The following MAST4 variants were observed in gnomAD, a reference collection of about 807,000 sequenced individuals.
MAST4 encodes the protein microtubule associated serine/threonine kinase family member 4.
In MAST4, 89 loss-of-function variants were observed where a neutral mutation model predicts 162.7. The ratio of observed to expected loss-of-function variants is 0.55; its 90% CI spans 0.46 to 0.65. The LOEUF (loss-of-function observed/expected upper bound fraction) is 0.65, where lower values mean the gene tolerates loss of function less well. MAST4 is among the 30% of genes least tolerant of loss of function. MAST4 has a pLI of 0.00. For missense variants in MAST4, 3,153 were observed against 3,374.0 expected (o/e 0.93, Z 1.62); for synonymous variants, 1,479 against 1,361.1 (o/e 1.09, Z -1.91).
At chr5:66,686,758 C>T (rs1748686050) in intron 1 of MAST4, among the ~76,000 whole-genome samples, 1 of 152,112 alleles carries the variant, frequency 6.6e-6, no homozygotes, top group South Asian at 2.1e-4. Flanking sequence ...GGAAGTTGCC[C>T]CACCCCACTA....
At chr5:66,883,780 T>C (rs1178920513) in intron 3 of MAST4, among the ~76,000 whole-genome samples, 1 of 152,240 alleles carries the variant, frequency 6.6e-6, no homozygotes, top group Non-Finnish European at 1.5e-5. Context: ...TTATCTTTCA[T>C]GTGAACTGCA....
At position 66,851,090 on chromosome 5, in the gene MAST4, T is replaced by A. The variant is rs1759279448; in HGVS notation, c.643-48861T>A. Among the ~76,000 whole-genome samples the A allele has an allele frequency of 2.0e-5, 3 of 152,224 alleles. No homozygotes were observed. In the South Asian group the frequency reaches 6.2e-4, roughly 31 times the overall value. ...CCATGGATGATAATGTCTTTTACAA[T>A]TTCGAATGGTTTCAAAACATTTTCA... On this transcript the variant is annotated intron_variant, in intron 3 of 28. Coordinates refer to ENST00000403625, the MANE Select transcript of MAST4 (RefSeq NM_001164664.2).
chr5:66,864,995 G>A (rs978733786), intron 3 of MAST4, among the ~76,000 whole-genome samples: 2 of 152,138 alleles, frequency 1.3e-5, no homozygotes, highest in African/African-American at 4.8e-5. Context: ...ATTAGACATG[G>A]GGCAGTGCTA....
chr5:66,723,110 AT>A (rs573110261), intron 1 of MAST4, among the ~76,000 whole-genome samples: 1 of 152,152 alleles, frequency 6.6e-6, no homozygotes, highest in South Asian at 2.1e-4. Context: ...TGGAGGTGAT[AT>A]GAATATTTAC....
chr5:66,709,884 C>T (rs1750386577), intron 1 of MAST4, among the ~76,000 whole-genome samples: 1 of 152,160 alleles, frequency 6.6e-6, no homozygotes, highest in African/African-American at 2.4e-5. Flanking sequence ...TGACGTATTC[C>T]ACCCAAATTT....
At chr5:67,048,700 A>T (rs1237903363) in intron 4 of MAST4, among the ~76,000 whole-genome samples, 1 of 151,904 alleles carries the variant, frequency 6.6e-6, no homozygotes, top group Admixed American at 6.6e-5. Flanking sequence ...TTACATTATT[A>T]TGGATGGGAA....
At chr5:66,848,090 C>T (rs762635862) in intron 3 of MAST4, among the ~76,000 whole-genome samples, 17 of 152,068 alleles carry the variant, frequency 1.1e-4, no homozygotes, top group Non-Finnish European at 1.9e-4. Context: ...TTACTTGGAA[C>T]AAAAAGTATC....
intron 4 of MAST4, among the ~76,000 whole-genome samples, chr5:67,036,453 T>C (rs932210567): frequency 6.6e-5 from 10 of 152,198 alleles, no homozygotes; most frequent in Admixed American, 6.5e-5. Context: ...TTTCTTCCTA[T>C]TCATCTTCTT....
intron 3 of MAST4, among the ~76,000 whole-genome samples, chr5:66,873,454 G>T (rs923651448): frequency 6.6e-6 from 1 of 152,186 alleles, no homozygotes; most frequent in Non-Finnish European, 1.5e-5. Flanking sequence ...TATTCTGGGG[G>T]TCAGTAACAA....
At chr5:67,160,775 G>A (rs1773100480) in intron 27 of MAST4, among the ~76,000 whole-genome samples, 183 bp downstream of exon 27, 1 of 152,082 alleles carries the variant, frequency 6.6e-6, no homozygotes, top group African/African-American at 2.4e-5. Context: ...CATAGTAAAA[G>A]GATTTACATA....
chr5:66,903,803 T>A (rs1483359027), intron 4 of MAST4, among the ~76,000 whole-genome samples: 1 of 152,186 alleles, frequency 6.6e-6, no homozygotes, highest in Non-Finnish European at 1.5e-5. Flanking sequence ...CCCAGTATAA[T>A]AACTACATAG....
rs529801814 is a variant in MAST4, at chr5:66,858,152, CTTTTGTA to C, written c.643-41791_643-41785del. 1.5e-3 allele frequency among the ~76,000 whole-genome samples: 235 copies of C among 151,884 alleles called. 10 individuals are homozygous for C. The South Asian group carries it at 0.047, about 30-fold the overall frequency. ...TTATATTTTTTACATATTGTAAATA[CTTTTGTA>C]TTTTGTACTCTTAGTAGAGACAGAT... On this transcript the variant is annotated intron_variant, in intron 3 of 28. Transcript: ENST00000403625.
chr5:67,003,482 T>C (rs1036811673), intron 4 of MAST4, among the ~76,000 whole-genome samples: 17 of 152,204 alleles, frequency 1.1e-4, no homozygotes, highest in African/African-American at 3.9e-4. Flanking sequence ...CCCCTCTTCC[T>C]TCTCTTTATC....
intron 1 of MAST4, among the ~76,000 whole-genome samples, chr5:66,648,077 TGTGTGTGA>T (rs1235561140): frequency 4.4e-4 from 44 of 99,020 alleles, no homozygotes; most frequent in Non-Finnish European, 6.2e-4. Context: ...TGTGTGTGTG[TGTGTGTGA>T]GAGAGAGAGA....
chr5:66,862,534 T>C (rs1466723330), intron 3 of MAST4, among the ~76,000 whole-genome samples: 2 of 152,212 alleles, frequency 1.3e-5, no homozygotes, highest in Non-Finnish European at 2.9e-5. Flanking sequence ...TAAAATGCTC[T>C]AACAAACGAT....
chr5:66,945,339 G>A (rs985737006), intron 4 of MAST4, among the ~76,000 whole-genome samples: 1 of 152,128 alleles, frequency 6.6e-6, no homozygotes, highest in Non-Finnish European at 1.5e-5. Flanking sequence ...TTTTTAAACA[G>A]TTCACATTCC....
chr5:66,991,612 C>T lies in MAST4; in HGVS notation c.675-62792C>T, dbSNP rs571766035. On this transcript the variant is annotated intron_variant, in intron 4 of 28. Transcript: ENST00000403625. ...GGCAGCTCACTGAAGTATATCCAAT[C>T]CTGTTTCTGGGACAAAATCACTGGA... Among the ~76,000 whole-genome samples the T allele has an allele frequency of 9.2e-5, 14 of 152,292 alleles. No homozygotes were observed. In the South Asian group the frequency reaches 2.1e-3, roughly 23 times the overall value.
intron 4 of MAST4, among the ~76,000 whole-genome samples, chr5:66,919,660 GA>G (rs56802433): frequency 0.17 from 16,497 of 96,804 alleles, 1,238 homozygotes; most frequent in South Asian, 0.34. Flanking sequence ...CTCCGTCACA[GA>G]AAAAAAAAAA....
intron 1 of MAST4, among the ~76,000 whole-genome samples, chr5:66,754,752 T>C (rs1753423105): frequency 6.6e-6 from 1 of 152,148 alleles, no homozygotes; most frequent in African/African-American, 2.4e-5. Flanking sequence ...TCATATGTCA[T>C]GTGGTGATAG....
Sources: allele counts gnomAD v4.1 joint callset (sites outside exome capture counted in the v4.1 genomes callset), GRCh38; gene constraint gnomAD v4.1.1; transcripts MANE v1.5; gene names NCBI Gene and HGNC (gene_info 2026-07-23, HGNC 2026-07-21).